The following SNW1 variants were observed in gnomAD, a reference collection of about 807,000 sequenced individuals.
The protein encoded by SNW1 is SNW domain containing 1, also known as SNW domain-containing protein 1.
Under a neutral mutation model 75.6 loss-of-function variants are expected in SNW1, and 9 were observed. That is an observed-to-expected ratio of 0.12 (90% CI 0.07 to 0.21). The LOEUF (loss-of-function observed/expected upper bound fraction) is 0.21. Ranked by LOEUF, SNW1 falls within the 10% of genes least tolerant of loss-of-function variation. The pLI, the probability that SNW1 is intolerant of heterozygous loss-of-function variation, is 1.00. For missense variants in SNW1, 409 were observed against 670.9 expected, an observed-to-expected ratio of 0.61 and a Z score of 4.31; for synonymous variants, 200 against 219.1, an observed-to-expected ratio of 0.91 and a Z score of 0.77.
At chr14:77,747,657 G>C (rs2080772357) in intron 3 of SNW1, among the ~76,000 whole-genome samples, 1 of 151,848 alleles carries the variant, frequency 6.6e-6, no homozygotes, top group African/African-American at 2.4e-5. Flanking sequence ...TCCCATCTGG[G>C]AAGTGAGGAG....
At position 77,755,006 on chromosome 14, in the gene SNW1, CG is replaced by C; in HGVS notation, c.128del (p.Pro43ArgfsTer13). The C allele has an allele frequency of 6.2e-7, 1 of 1,609,068 alleles. No homozygotes were observed. On this transcript the variant is annotated frameshift_variant, in exon 2 of 14. Coordinates refer to ENST00000261531, the MANE Select transcript of SNW1 (RefSeq NM_012245.3). LOFTEE classifies it high-confidence loss of function. ...SLVSSRREPP[P>X]YGYRKGWIPR... ...GTATCCAGCCTTTCCGGTATCCGTA[CG>C]GGGGAGGTTCTCTTCGGGAGGAGAC... is the stretch of plus-strand genomic sequence containing the variant.
intron 2 of SNW1, among the ~76,000 whole-genome samples, chr14:77,754,031 G>C (rs1353944446): frequency 2.0e-5 from 3 of 151,712 alleles, no homozygotes; most frequent in Admixed American, 2.0e-4. Flanking sequence ...AAGGAAGCTT[G>C]TTCTTTTTAT....
Position 77,739,332 on chromosome 14 carries a change from A to C in SNW1, c.331-271T>G, listed in dbSNP as rs192145123. 1.8e-3 allele frequency among the ~76,000 whole-genome samples: 271 copies of C among 152,358 alleles called. 2 individuals are homozygous for C. The highest frequency in any genetic ancestry group is 3.4e-3 in the Middle Eastern group (1 of 292). ...GTATCCAAATAAACCATGCCAACAA[A>C]ATCATGCATTGATGATCACTATTTT... On this transcript the variant is annotated intron_variant, in intron 3 of 13. Coordinates refer to ENST00000261531, the MANE Select transcript of SNW1 (RefSeq NM_012245.3).
chr14:77,722,714 T>C (rs1566826307), intron 11 of SNW1: 1 of 359,688 alleles, frequency 2.8e-6, no homozygotes, highest in Non-Finnish European at 5.4e-6. Flanking sequence ...TACAAGAAAA[T>C]TAAGTGCTAA....
chr14:77,760,691 A>G, intron 1 of SNW1: 1 of 702,346 alleles, frequency 1.4e-6, no homozygotes, highest in South Asian at 1.5e-5. Flanking sequence ...CAGCGAAAGG[A>G]GAGAGACCAC....
intron 8 of SNW1, among the ~76,000 whole-genome samples, chr14:77,734,714 G>A (rs1566830048): frequency 1.3e-5 from 2 of 149,276 alleles, no homozygotes; most frequent in South Asian, 4.3e-4. Context: ...CTCCAGCCTA[G>A]TGACAGAGCG....
In SNW1 at chr14:77,731,089, T is replaced by C; in HGVS notation, c.932A>G (p.Lys311Arg). 6.2e-7 allele frequency: 1 copy of C among 1,614,134 alleles called. No homozygotes were observed. Among genetic ancestry groups the C allele is most frequent in the Non-Finnish European group, 8.5e-7 (1 of 1,180,028 alleles). ...TTTTTCCTTTTCTTTCTGAGCCATTTTTCTCTCTACTTGGGCACGCATTTC... is the reference window on the plus strand; with the variant it reads ...TTTTTCCTTTTCTTTCTGAGCCATTCTTCTCTCTACTTGGGCACGCATTTC... ...AVEMRAQVER[K>R]MAQKEKEKHE... Residue 311 changes from lysine (K) to arginine (R), a missense_variant, in exon 10 of 14, where the codon AAA becomes AGA. Around this residue, in one of 9 missense-constraint regions of SNW1, gnomAD observed 37 missense variants for 110.0 expected, o/e 0.34. Coordinates refer to ENST00000261531, the MANE Select transcript of SNW1 (RefSeq NM_012245.3).
Position 77,717,629 on chromosome 14 carries a change from T to A in SNW1, c.*459A>T. On this transcript the variant is annotated 3_prime_UTR_variant, in exon 14 of 14. Coordinates refer to ENST00000261531, the MANE Select transcript of SNW1 (RefSeq NM_012245.3). ...TCTAAATGTTTTTATTTGAAACAAATAGTTGCACCAAGCAAGAGGTTACTT... is the reference window on the plus strand; with the variant it reads ...TCTAAATGTTTTTATTTGAAACAAAAAGTTGCACCAAGCAAGAGGTTACTT... 6.8e-7 allele frequency: 1 copy of A among 1,471,084 alleles called. No homozygotes were observed. Among genetic ancestry groups the A allele is most frequent in the Non-Finnish European group, 9.5e-7 (1 of 1,057,978 alleles). 91.1% of individuals were successfully genotyped at this position (1,471,084 alleles called of 1,614,324 possible).
At chr14:77,745,566 G>A (rs2139921861) in intron 3 of SNW1, among the ~76,000 whole-genome samples, 1 of 152,238 alleles carries the variant, frequency 6.6e-6, no homozygotes, top group South Asian at 2.1e-4. Context: ...AACGAGCTGG[G>A]CATGGTGGCG....
chr14:77,741,824 A>C (rs2080721457), intron 3 of SNW1, among the ~76,000 whole-genome samples: 2 of 152,184 alleles, frequency 1.3e-5, no homozygotes, highest in South Asian at 4.1e-4. Flanking sequence ...AAAGGATTCT[A>C]AGTAAATGGC....
chr14:77,752,614 C>A (rs902772272), intron 2 of SNW1, among the ~76,000 whole-genome samples: 6 of 152,104 alleles, frequency 3.9e-5, no homozygotes, highest in African/African-American at 1.2e-4. Flanking sequence ...GAACCCAGAT[C>A]TTTTGAGACT....
chr14:77,726,098 G>T (rs2099807842), intron 10 of SNW1, among the ~76,000 whole-genome samples: 1 of 152,034 alleles, frequency 6.6e-6, no homozygotes, highest in African/African-American at 2.4e-5. Context: ...TTTTATTCAG[G>T]ATTGCTTTGG....
chr14:77,761,106 C>A lies in SNW1; in HGVS notation c.14+8G>T, dbSNP rs2080888026. 6.2e-7 allele frequency: 1 copy of A among 1,614,150 alleles called. No homozygotes were observed. The highest frequency in any genetic ancestry group is 8.5e-7 in the Non-Finnish European group (1 of 1,180,056). ...CTTCCGTATCGAGGACCCCAATCAA[C>A]AACCCACCTGGTGAGCGCCATCTTC... On this transcript the variant is annotated splice_region_variant and intron_variant, in intron 1 of 13. Coordinates refer to ENST00000261531, the MANE Select transcript of SNW1 (RefSeq NM_012245.3).
intron 8 of SNW1, 119 bp downstream of exon 8, chr14:77,734,828 T>C (rs910248352): frequency 3.2e-5 from 22 of 695,006 alleles, no homozygotes; most frequent in Admixed American, 2.8e-4. Context: ...GGCATTCCTT[T>C]TTGAAAATGC....
At chr14:77,743,187 T>C (rs2080732524) in intron 3 of SNW1, among the ~76,000 whole-genome samples, 1 of 151,046 alleles carries the variant, frequency 6.6e-6, no homozygotes, top group Admixed American at 6.6e-5. Flanking sequence ...ATCGTGCCAT[T>C]GCACCCCAGC....
rs149967825 is a variant in SNW1 at position 77,755,080 on chromosome 14, C to T, written c.55G>A (p.Glu19Lys). Reference sequence around the variant, plus strand: ...TGGGATCTTGCCTTTTCTTCAGCCTCAAGCTGGTCCTGAGATAGCTGAGTA... The same window carrying T: ...TGGGATCTTGCCTTTTCTTCAGCCTTAAGCTGGTCCTGAGATAGCTGAGTA... ...APTQLSQDQL[E>K]AEEKARSQRS... Residue 19 changes from glutamate to lysine, a missense_variant, in exon 2 of 14, where the codon GAG becomes AAG. Glu to Lys is a moderately conservative substitution (Grantham distance 56). Around this residue, in one of 9 missense-constraint regions of SNW1, gnomAD observed 73 missense variants for 68.3 expected, o/e 1.07. Coordinates refer to ENST00000261531, the MANE Select transcript of SNW1 (RefSeq NM_012245.3). The T allele has an allele frequency of 4.2e-5, 68 of 1,613,002 alleles. No individual in the cohort carries two copies. The highest frequency in any genetic ancestry group is 5.3e-5 in the Non-Finnish European group (62 of 1,179,968).
At chr14:77,748,966 G>C (rs754653340) in intron 3 of SNW1, among the ~76,000 whole-genome samples, 1 of 152,114 alleles carries the variant, frequency 6.6e-6, no homozygotes, top group Non-Finnish European at 1.5e-5. Context: ...AAACAATTAG[G>C]AAAATATCAC....
chr14:77,740,513 C>G (rs2080710025), intron 3 of SNW1, among the ~76,000 whole-genome samples: 1 of 152,204 alleles, frequency 6.6e-6, no homozygotes. Flanking sequence ...CTCTCACTCT[C>G]TCACTCATTA....
intron 3 of SNW1, among the ~76,000 whole-genome samples, chr14:77,743,154 G>A (rs1406009022): frequency 6.6e-6 from 1 of 151,830 alleles, no homozygotes; most frequent in Non-Finnish European, 1.5e-5. Context: ...GAACCCGGGA[G>A]GCAGAGGTTG....
Sources: allele counts gnomAD v4.1 joint callset (sites outside exome capture counted in the v4.1 genomes callset), GRCh38; gene constraint gnomAD v4.1.1; regional missense constraint gnomAD v4.1.1; transcripts MANE v1.5; gene names NCBI Gene and HGNC (gene_info 2026-07-23, HGNC 2026-07-21).